The following NAV2 variants were observed in gnomAD, a reference collection of about 807,000 sequenced individuals.
NAV2 encodes neuron navigator 2.
NAV2 carries 54 observed loss-of-function variants against 223.2 expected under a neutral mutation model. The observed-to-expected ratio is 0.24, with a 90% CI of 0.19 to 0.30. NAV2 has a LOEUF of 0.30. Among genes scored for constraint, NAV2 ranks in the 10% least tolerant of loss-of-function variants. The pLI, the probability that NAV2 is intolerant of heterozygous loss-of-function variation, is 1.00. For missense variants in NAV2, 2,806 were observed against 3,147.5 expected (o/e 0.89, Z 2.60); for synonymous variants, 1,279 against 1,239.3 (o/e 1.03, Z -0.67).
chr11:19,697,267 G>T (rs1292639603), intron 1 of NAV2, among the ~76,000 whole-genome samples: 1 of 152,140 alleles, frequency 6.6e-6, no homozygotes, highest in African/African-American at 2.4e-5. Context: ...TAGACACTAG[G>T]GATTGCTAGA....
intron 1 of NAV2, among the ~76,000 whole-genome samples, chr11:19,801,347 G>T (rs992859855): frequency 2.6e-5 from 4 of 152,204 alleles, no homozygotes; most frequent in African/African-American, 4.8e-5. Context: ...CTCCCCAAAG[G>T]CAGAGTCCTT....
At chr11:20,012,099 G>T (rs780269889) in intron 11 of NAV2, among the ~76,000 whole-genome samples, 2 of 152,186 alleles carry the variant, frequency 1.3e-5, no homozygotes, top group Non-Finnish European at 2.9e-5. Context: ...GTACTCCATT[G>T]TTCCTGGTAT....
At chr11:20,083,951 G>A (rs2060254760) in intron 26 of NAV2, among the ~76,000 whole-genome samples, 1 of 152,210 alleles carries the variant, frequency 6.6e-6, no homozygotes, top group Non-Finnish European at 1.5e-5. Flanking sequence ...GTGTCTTAAG[G>A]CCCTGCCTTA....
intron 6 of NAV2, 45 bp downstream of exon 6, chr11:19,892,639 G>T: frequency 6.2e-7 from 1 of 1,600,890 alleles, no homozygotes; most frequent in Non-Finnish European, 8.5e-7. Context: ...TTCCTTCAGA[G>T]CACATCTACC....
chr11:20,079,986 TG>T, intron 24 of NAV2, 77 bp from the exon 25 acceptor site: 1 of 1,557,878 alleles, frequency 6.4e-7, no homozygotes, highest in Non-Finnish European at 8.7e-7. Context: ...GGGTGGGTTT[TG>T]CTTAAAGGGC....
chr11:19,846,881 G>C (rs546154998), intron 3 of NAV2, among the ~76,000 whole-genome samples: 32 of 152,280 alleles, frequency 2.1e-4, no homozygotes, highest in Non-Finnish European at 1.2e-4. Context: ...TTTTTAAGGA[G>C]CGCTTTGCCC....
intron 1 of NAV2, among the ~76,000 whole-genome samples, chr11:19,687,779 GCA>G (rs1296505990): frequency 1.9e-3 from 9 of 4,650 alleles, no homozygotes; most frequent in South Asian, 0.017. Flanking sequence ...ATGTGTGTAT[GCA>G]TGCGTGTGTG....
intron 10 of NAV2, among the ~76,000 whole-genome samples, chr11:19,950,503 T>C (rs1344503465): frequency 6.6e-6 from 1 of 152,244 alleles, no homozygotes; most frequent in Non-Finnish European, 1.5e-5. Context: ...ATACTACAAC[T>C]ACTAGAGTTT....
chr11:19,830,076 T>C (rs2059847542), intron 1 of NAV2, among the ~76,000 whole-genome samples: 2 of 151,914 alleles, frequency 1.3e-5, no homozygotes, highest in African/African-American at 4.8e-5. Context: ...AATACAAAAA[T>C]TAGCCAAGCG....
Position 19,993,810 on chromosome 11 carries a change from A to G in NAV2, c.2768+9563A>G, listed in dbSNP as rs561426110. 2.0e-5 allele frequency among the ~76,000 whole-genome samples: 3 copies of G among 152,368 alleles called. No homozygotes were observed. The South Asian group carries it at 6.2e-4, about 32-fold the overall frequency. ...AATGCTATGAGTCAGTTGTATTTCA[A>G]CAAAGTATATGGACCATGTTTTCAT... is the stretch of plus-strand genomic sequence containing the variant. On this transcript the variant is annotated intron_variant, in intron 11 of 37. Coordinates refer to ENST00000349880, the MANE Select transcript of NAV2 (RefSeq NM_145117.5).
chr11:19,425,876 G>A (rs1172487074), intron 1 of NAV2, among the ~76,000 whole-genome samples: 1 of 152,126 alleles, frequency 6.6e-6, no homozygotes. Context: ...TATTATTGAT[G>A]TCAAGACCCA....
At chr11:19,367,430 G>A (rs1458489503) in intron 1 of NAV2, among the ~76,000 whole-genome samples, 2 of 152,136 alleles carry the variant, frequency 1.3e-5, no homozygotes, top group Non-Finnish European at 2.9e-5. Context: ...TTCAAGCCAA[G>A]TCTTACTCAT....
At chr11:19,761,137 A>C (rs915337742) in intron 1 of NAV2, among the ~76,000 whole-genome samples, 6 of 152,108 alleles carry the variant, frequency 3.9e-5, no homozygotes, top group African/African-American at 1.4e-4. Context: ...ACTGAAGTCA[A>C]GTTTGCTATG....
At chr11:19,455,483 A>G (rs1851929411) in intron 1 of NAV2, among the ~76,000 whole-genome samples, 1 of 152,188 alleles carries the variant, frequency 6.6e-6, no homozygotes, top group South Asian at 2.1e-4. Flanking sequence ...AATTGAATGA[A>G]TTGTACATAA....
chr11:19,480,329 T>C (rs1432259287), intron 1 of NAV2, among the ~76,000 whole-genome samples: 3 of 152,106 alleles, frequency 2.0e-5, no homozygotes, highest in Non-Finnish European at 4.4e-5. Context: ...CATTTATTTG[T>C]TCAAGGAGGA....
At chr11:20,031,715 A>G (rs1466360195) in intron 11 of NAV2, among the ~76,000 whole-genome samples, 5 of 145,896 alleles carry the variant, frequency 3.4e-5, no homozygotes, top group Admixed American at 3.4e-4. Flanking sequence ...GCTCTATTGC[A>G]TTTTTCTTCA....
chr11:19,630,319 C>T (rs1051472215), intron 1 of NAV2, among the ~76,000 whole-genome samples: 3 of 152,190 alleles, frequency 2.0e-5, no homozygotes, highest in African/African-American at 7.2e-5. Context: ...TCTGCTCCTG[C>T]CTTTACTACT....
chr11:19,555,601 T>C (rs2044857838), intron 1 of NAV2, among the ~76,000 whole-genome samples: 1 of 152,182 alleles, frequency 6.6e-6, no homozygotes, highest in African/African-American at 2.4e-5. Flanking sequence ...GTTTTGGAAG[T>C]AAACATTGCT....
Position 19,586,287 on chromosome 11 carries a change from T to C in NAV2, c.75+235260T>C, listed in dbSNP as rs577520323. Among the ~76,000 whole-genome samples, 5 of 152,322 alleles carry C rather than the reference T, an allele frequency of 3.3e-5. No homozygotes were observed. In the East Asian group the frequency reaches 7.7e-4, roughly 23 times the overall value. The stretch of plus-strand genomic sequence containing the variant: ...TTCTAGTTAGCCATTTTTCTAATTT[T>C]TTTTCAAGGTTTTTAACTTCTTTGC... On this transcript the variant is annotated intron_variant, in intron 1 of 37. Coordinates refer to the NAV2 transcript ENST00000360655.
Sources: allele counts gnomAD v4.1 joint callset (sites outside exome capture counted in the v4.1 genomes callset), GRCh38; gene constraint gnomAD v4.1.1; transcripts MANE v1.5; gene names NCBI Gene and HGNC (gene_info 2026-07-23, HGNC 2026-07-21).